TNN: variants seen among roughly 807,000 people sequenced by gnomAD.
TNN encodes tenascin-N.
TNN carries 122 observed loss-of-function variants against 134.4 expected under a neutral mutation model. The observed-to-expected ratio is 0.91, with a 90% CI of 0.78 to 1.06. The LOEUF (loss-of-function observed/expected upper bound fraction) is 1.06, where lower values mean the gene tolerates loss of function less well. TNN is among the 50% of genes least tolerant of loss of function. The pLI is 0.00. For synonymous variants in TNN, 710 were observed against 670.3 expected, an observed-to-expected ratio of 1.06 and a Z score of -0.91; for missense variants, 1,739 against 1,699.4, an observed-to-expected ratio of 1.02 and a Z score of -0.41.
intron 17 of TNN, among the ~76,000 whole-genome samples, chr1:175,137,363 AGT>A (rs36158819): frequency 0.25 from 15,850 of 62,568 alleles, 893 homozygotes; most frequent in East Asian, 0.34. Flanking sequence ...TCTGCACAGT[AGT>A]GTGTGTGTGT....
chr1:175,080,228 C>A lies in TNN; in HGVS notation c.850C>A (p.Pro284Thr). The A allele has an allele frequency of 6.2e-7, 1 of 1,614,084 alleles. No individual in the cohort carries two copies. Among genetic ancestry groups the A allele is most frequent in the Non-Finnish European group, 8.5e-7 (1 of 1,179,992 alleles). Residue 284 changes from proline (P) to threonine (T), a missense_variant, in exon 4 of 19, where the codon CCC becomes ACC. Coordinates refer to ENST00000239462, the MANE Select transcript of TNN (RefSeq NM_022093.2). ...TEDSLLVSWE[P>T]SSQVDHYLLS... ...GGATTCTCTGCTGGTGAGCTGGGAG[C>A]CCTCCAGCCAGGTGGATCACTACCT...
intron 17 of TNN, among the ~76,000 whole-genome samples, chr1:175,140,457 C>T (rs1242177131): frequency 6.6e-6 from 1 of 152,254 alleles, no homozygotes; most frequent in Non-Finnish European, 1.5e-5. Context: ...GGCCTGTCCT[C>T]CCGGGCTGCA....
chr1:175,087,434 G>A lies in TNN; in HGVS notation c.1324+1940G>A, dbSNP rs1674343797. Among the ~76,000 whole-genome samples the A allele has an allele frequency of 3.3e-5, 5 of 152,200 alleles. No individual in the cohort carries two copies. In the South Asian group the frequency reaches 1.0e-3, roughly 32 times the overall value. ...CCTTTTATCCGGCGTAGGAACAAAAGGAAAGGCAGCTTCTTGCATAACTCA... is the reference window on the plus strand; with the variant it reads ...CCTTTTATCCGGCGTAGGAACAAAAAGAAAGGCAGCTTCTTGCATAACTCA... On this transcript the variant is annotated intron_variant, in intron 6 of 18. Transcript: ENST00000239462.
At position 175,147,002 on chromosome 1, in the gene TNN, T is replaced by C. The variant is rs781405900; in HGVS notation, c.3831T>C (p.His1277=). 1.9e-6 allele frequency: 3 copies of C among 1,602,374 alleles called. No homozygotes were observed. Among genetic ancestry groups the C allele is most frequent in the Non-Finnish European group, 1.7e-6 (2 of 1,173,624 alleles). Residue 1277 remains histidine (H), a synonymous_variant, in exon 19 of 19, where the codon CAT becomes CAC. Coordinates refer to ENST00000239462, the MANE Select transcript of TNN (RefSeq NM_022093.2). ...IPYVELKIRP[H]GYSREPVLGR... ...ACGTGGAGTTGAAAATCCGCCCTCA[T>C]GGCTACAGCAGGGAGCCTGTCCTGG...
chr1:175,110,253 T>A (rs1269229309), intron 9 of TNN, among the ~76,000 whole-genome samples: 3 of 152,262 alleles, frequency 2.0e-5, no homozygotes, highest in Non-Finnish European at 4.4e-5. Context: ...GAACTCCTTA[T>A]GTATTCTGTT....
At chr1:175,091,776 GAC>G (rs1307267953) in intron 6 of TNN, among the ~76,000 whole-genome samples, 1 of 152,000 alleles carries the variant, frequency 6.6e-6, no homozygotes, top group African/African-American at 2.4e-5. Flanking sequence ...TTTTAGTAGA[GAC>G]ACGGTTTTGC....
chr1:175,096,087 A>G (rs1263717346), intron 7 of TNN, among the ~76,000 whole-genome samples: 2 of 152,228 alleles, frequency 1.3e-5, no homozygotes, highest in East Asian at 1.9e-4. Flanking sequence ...TTAAAAAGAT[A>G]AAGGACAGTG....
intron 9 of TNN, among the ~76,000 whole-genome samples, chr1:175,108,384 A>C (rs1012531522): frequency 6.6e-6 from 1 of 152,258 alleles, no homozygotes; most frequent in African/African-American, 2.4e-5. Flanking sequence ...CCAGGAGCCC[A>C]GCTGGCTTCA....
rs745603779 is a variant in TNN at position 175,104,499 on chromosome 1, C to T, written c.2119+5904C>T. The stretch of plus-strand genomic sequence containing the variant: ...TCTTTTTTAAAGTGTCCTAGTAAAC[C>T]GCACTGATAACAAGCCGTACCAGGT... On this transcript the variant is annotated intron_variant, in intron 9 of 18. Transcript: ENST00000239462. Among the ~76,000 whole-genome samples the T allele has an allele frequency of 4.1e-5, 6 of 145,626 alleles. 2 individuals are homozygous for T. Among genetic ancestry groups the T allele is most frequent in the Non-Finnish European group, 6.1e-5 (4 of 65,666 alleles).
At chr1:175,146,297 C>T (rs1676067482) in intron 18 of TNN, among the ~76,000 whole-genome samples, 1 of 152,158 alleles carries the variant, frequency 6.6e-6, no homozygotes. Flanking sequence ...TCACAGTCTG[C>T]AAGGCATTTA....
chr1:175,084,710 G>A (rs749189246), intron 5 of TNN, among the ~76,000 whole-genome samples: 4 of 152,220 alleles, frequency 2.6e-5, no homozygotes, highest in Non-Finnish European at 5.9e-5. Flanking sequence ...AGTGTTTGTG[G>A]AGTGCAGAAT....
Position 175,118,678 on chromosome 1 carries a change from A to G in TNN, c.2504A>G (p.Asn835Ser), listed in dbSNP as rs779103435. ...DRYVVHYTSA[N>S]GETREVPVGK... is the part of the protein sequence containing the mutation. ...TATGTGGTGCACTACACGTCTGCCA[A>G]CGGAGAGACCAGGGAGGTTCCAGTG... Residue 835 changes from asparagine to serine, a missense_variant, in exon 11 of 19, where the codon AAC becomes AGC. Asn to Ser is a conservative substitution (Grantham distance 46). Coordinates refer to ENST00000239462, the MANE Select transcript of TNN (RefSeq NM_022093.2). The G allele has an allele frequency of 1.9e-6, 3 of 1,614,252 alleles. No individual in the cohort carries two copies. The highest frequency in any genetic ancestry group is 1.7e-6 in the Non-Finnish European group (2 of 1,180,046).
chr1:175,133,446 G>A (rs780348304), intron 15 of TNN, among the ~76,000 whole-genome samples: 1 of 152,190 alleles, frequency 6.6e-6, no homozygotes, highest in Non-Finnish European at 1.5e-5. Flanking sequence ...CTAAATTCTA[G>A]GGATGGTTTT....
chr1:175,116,923 C>T lies in TNN; in HGVS notation c.2120-16C>T, dbSNP rs1243089117. The T allele has an allele frequency of 6.2e-7, 1 of 1,614,050 alleles. No homozygotes were observed. Among genetic ancestry groups the T allele is most frequent in the African/African-American group, 1.3e-5 (1 of 74,908 alleles). ...CCAGTTCATAGTGTTCATTGATCAG[C>T]AATTTTTTTTTTCAGACATTGACAG... On this transcript the variant is annotated splice_polypyrimidine_tract_variant and intron_variant, in intron 9 of 18. Coordinates refer to ENST00000239462, the MANE Select transcript of TNN (RefSeq NM_022093.2).
At chr1:175,101,447 G>A (rs1292523179) in intron 9 of TNN, among the ~76,000 whole-genome samples, 1 of 150,552 alleles carries the variant, frequency 6.6e-6, no homozygotes, top group Non-Finnish European at 1.5e-5. Flanking sequence ...TGCAAAGAGC[G>A]AAAGAACAAA....
chr1:175,108,303 G>A (rs1367231274), intron 9 of TNN, among the ~76,000 whole-genome samples: 1 of 151,848 alleles, frequency 6.6e-6, no homozygotes. Context: ...CCTTGAGCTA[G>A]ACACAGGGTG....
rs762436104 is a variant in TNN, at chr1:175,126,977, T to A, written c.2937T>A (p.Leu979=). The A allele has an allele frequency of 6.2e-7, 1 of 1,613,778 alleles. No individual in the cohort carries two copies. The highest frequency in any genetic ancestry group is 1.1e-5 in the South Asian group (1 of 90,970). ...CAGAACTCGACCCTCCCAGAAACCT[T>A]CGTCCATCTGCTGTAACGCAGTCTG... ...AQTELDPPRN[L]RPSAVTQSGG... The change falls in exon 13 of 19, where the codon CTT becomes CTA. Residue 979 remains leucine, a synonymous_variant. Transcript: ENST00000239462.
intron 15 of TNN, among the ~76,000 whole-genome samples, chr1:175,130,339 C>T (rs1406983864): frequency 2.6e-5 from 4 of 152,220 alleles, no homozygotes; most frequent in African/African-American, 7.2e-5. Context: ...TGCACAGCGA[C>T]ATCTGACGGT....
At chr1:175,118,155 G>A (rs924841394) in intron 10 of TNN, among the ~76,000 whole-genome samples, 4 of 152,156 alleles carry the variant, frequency 2.6e-5, no homozygotes, top group African/African-American at 4.8e-5. Context: ...TATGAAATGG[G>A]AGGTCTTTAC....
Sources: gnomAD v4.1 joint callset for allele counts (sites outside exome capture counted in the v4.1 genomes callset) on GRCh38, gnomAD v4.1.1 for gene constraint, MANE v1.5 for transcripts, NCBI Gene and HGNC (gene_info 2026-07-23, HGNC 2026-07-21) for gene names.